MIA2: variants seen among roughly 807,000 people sequenced by gnomAD.
MIA2 encodes the protein melanoma inhibitory activity protein 2.
Under a neutral mutation model 167.8 loss-of-function variants are expected in MIA2, and 127 were observed. The observed-to-expected ratio is 0.76, with a 90% confidence interval of 0.66 to 0.88. The LOEUF is 0.88. Among genes scored for constraint, MIA2 ranks in the 40% least tolerant of loss-of-function variants. MIA2 has a pLI of 0.00. For synonymous variants in MIA2, 552 were observed against 541.9 expected, an observed-to-expected ratio of 1.02 and a Z score of -0.26; for missense variants, 1,690 against 1,624.7, an observed-to-expected ratio of 1.04 and a Z score of -0.69.
intron 4 of MIA2, among the ~76,000 whole-genome samples, chr14:39,248,800 C>T (rs1167772220): frequency 6.6e-6 from 1 of 151,556 alleles, no homozygotes; most frequent in African/African-American, 2.4e-5. Flanking sequence ...AGTGCAGTGG[C>T]ATGATCTCAG....
intron 9 of MIA2, among the ~76,000 whole-genome samples, chr14:39,290,612 A>C (rs1242390054): frequency 6.6e-6 from 1 of 152,242 alleles, no homozygotes; most frequent in African/African-American, 2.4e-5. Flanking sequence ...ATAGGCTTAA[A>C]GAAGAGGTTT....
chr14:39,303,779 G>A (rs1381191362), intron 16 of MIA2, among the ~76,000 whole-genome samples: 4 of 151,884 alleles, frequency 2.6e-5, no homozygotes, highest in Non-Finnish European at 5.9e-5. Flanking sequence ...TATTTAAAAT[G>A]TTTCCTGTAT....
chr14:39,379,134 C>A (rs1389769896), intron 23 of MIA2, among the ~76,000 whole-genome samples: 1 of 151,386 alleles, frequency 6.6e-6, no homozygotes, highest in Non-Finnish European at 1.5e-5. Context: ...TTTTTATAGT[C>A]TTTTATAATT....
At position 39,350,169 on chromosome 14, in the gene MIA2, C is replaced by T; in HGVS notation, c.4144C>T (p.Pro1382Ser). The change falls in exon 29 of 29, where the codon CCA becomes TCA. Residue 1382 changes from proline (P) to serine (S), a missense_variant. Pro to Ser is a moderately conservative substitution (Grantham distance 74). Transcript: ENST00000640607. ...PPRPGFFPPPPHSEGRSEFPS... is the reference protein window; with the variant it reads ...PPRPGFFPPPSHSEGRSEFPS... ...AAGACCTGGATTTTTCCCCCCACCC[C>T]CACATTCTGAAGGTAGAAGTGAGTT... The T allele has an allele frequency of 6.9e-7, 1 of 1,442,724 alleles. No individual in the cohort carries two copies. Among genetic ancestry groups the T allele is most frequent in the East Asian group, 2.7e-5 (1 of 37,434 alleles). 89.4% of individuals were successfully genotyped at this position (1,442,724 alleles called of 1,614,324 possible).
intron 9 of MIA2, among the ~76,000 whole-genome samples, chr14:39,290,328 AT>A (rs900875307): frequency 4.9e-4 from 71 of 145,550 alleles, no homozygotes; most frequent in Admixed American, 5.5e-4. Flanking sequence ...ACAGATATAT[AT>A]TTTTTTTTTT....
At chr14:39,281,468 C>A (rs2058927532) in intron 9 of MIA2, among the ~76,000 whole-genome samples, 2 of 152,254 alleles carry the variant, frequency 1.3e-5, no homozygotes, top group African/African-American at 4.8e-5. Context: ...ATCTTTTAAA[C>A]CATCCATTGA....
At chr14:39,339,339 T>C (rs1384450021) in intron 25 of MIA2, among the ~76,000 whole-genome samples, 3 of 152,190 alleles carry the variant, frequency 2.0e-5, no homozygotes, top group Non-Finnish European at 4.4e-5. Context: ...CCCTGTCTTA[T>C]GGTGCTGATT....
intron 6 of MIA2, among the ~76,000 whole-genome samples, chr14:39,274,800 T>A (rs182401221): frequency 1.3e-5 from 2 of 150,746 alleles, no homozygotes; most frequent in Non-Finnish European, 3.0e-5. Context: ...TTTATTTTTT[T>A]AAAGTTTTTT....
chr14:39,374,461 CT>C (rs2075009400), intron 23 of MIA2, among the ~76,000 whole-genome samples: 1 of 152,150 alleles, frequency 6.6e-6, no homozygotes, highest in South Asian at 2.1e-4. Flanking sequence ...AAAATATTAA[CT>C]TTGAGAACAG....
chr14:39,366,242 C>G (rs1474560869), intron 23 of MIA2, among the ~76,000 whole-genome samples: 1 of 152,058 alleles, frequency 6.6e-6, no homozygotes, highest in Non-Finnish European at 1.5e-5. Flanking sequence ...TGTGCCTGTC[C>G]TTGGGTCTCT....
chr14:39,267,421 CG>C, intron 6 of MIA2: 3 of 1,609,586 alleles, frequency 1.9e-6, no homozygotes, highest in Non-Finnish European at 1.7e-6. Context: ...CCCGACAGGC[CG>C]GGGTTACTGT....
At chr14:39,331,958 T>G (rs918928981) in intron 25 of MIA2, among the ~76,000 whole-genome samples, 14 of 151,768 alleles carry the variant, frequency 9.2e-5, no homozygotes, top group Admixed American at 2.0e-4. Context: ...AAGAGTGTCT[T>G]TGTATTTCGT....
chr14:39,336,777 C>G (rs549393519), intron 25 of MIA2, among the ~76,000 whole-genome samples: 2 of 152,234 alleles, frequency 1.3e-5, no homozygotes, highest in South Asian at 4.2e-4. Flanking sequence ...GACAGGTTCT[C>G]ACTTTGTCAC....
Position 39,277,032 on chromosome 14 carries a change from T to C in MIA2, c.1986T>C (p.Ala662=), listed in dbSNP as rs750344019. 1.2e-6 allele frequency: 2 copies of C among 1,613,870 alleles called. No homozygotes were observed. Among genetic ancestry groups the C allele is most frequent in the Non-Finnish European group, 1.7e-6 (2 of 1,179,876 alleles). The part of the protein sequence containing the change: ...VICAAVVGFF[A]VLFFLWRSFR... Reference sequence around the variant, plus strand: ...GTGCAGCTGTTGTTGGATTTTTTGCTGTTCTCTTTTTTTTGTGGAGAAGTT... The same window carrying C: ...GTGCAGCTGTTGTTGGATTTTTTGCCGTTCTCTTTTTTTTGTGGAGAAGTT... Residue 662 remains alanine (A), a synonymous_variant, in exon 7 of 29, where the codon GCT becomes GCC. Transcript: ENST00000640607.
chr14:39,277,171 A>T, intron 7 of MIA2, 106 bp downstream of exon 7: 2 of 1,395,460 alleles, frequency 1.4e-6, no homozygotes, highest in Non-Finnish European at 1.9e-6. Flanking sequence ...TAGAAACTAC[A>T]TAGGGATTCA....
At chr14:39,319,057 A>T (rs1341183969) in intron 22 of MIA2, 152 bp from the exon 23 acceptor site, 1 of 430,092 alleles carries the variant, frequency 2.3e-6, no homozygotes, top group Non-Finnish European at 4.2e-6. Context: ...AGTGGGAGAT[A>T]AAGGTGTTTT....
At chr14:39,338,107 G>A (rs1473432389) in intron 25 of MIA2, among the ~76,000 whole-genome samples, 1 of 152,164 alleles carries the variant, frequency 6.6e-6, no homozygotes, top group Admixed American at 6.5e-5. Flanking sequence ...GGGGAGGGGA[G>A]TGGGTATGAC....
intron 23 of MIA2, among the ~76,000 whole-genome samples, chr14:39,320,469 G>A (rs973184181): frequency 1.3e-5 from 2 of 151,994 alleles, no homozygotes; most frequent in African/African-American, 4.8e-5. Context: ...TTCATAATCT[G>A]AGCATTATTT....
At chr14:39,259,434 C>T (rs181610916) in intron 6 of MIA2, among the ~76,000 whole-genome samples, 210 of 152,360 alleles carry the variant, frequency 1.4e-3, no homozygotes, top group Non-Finnish European at 2.3e-3. Flanking sequence ...TTCAAATCTC[C>T]GCAAGGAGCC....
Sources: allele counts gnomAD v4.1 joint callset (sites outside exome capture counted in the v4.1 genomes callset), GRCh38; gene constraint gnomAD v4.1.1; transcripts MANE v1.5; gene names NCBI Gene and HGNC (gene_info 2026-07-23, HGNC 2026-07-21).